The following CDH23 variants were observed in gnomAD, a reference collection of about 807,000 sequenced individuals.
CDH23 encodes cadherin-23.
Under a neutral mutation model 317.1 loss-of-function variants are expected in CDH23, and 189 were observed. That is an observed-to-expected ratio of 0.60 (90% CI 0.53 to 0.67). CDH23 has a LOEUF of 0.67. Among genes scored for constraint, CDH23 ranks in the 30% least tolerant of loss-of-function variants. CDH23 has a pLI of 0.00. For missense variants in CDH23, 4,401 were observed against 4,592.4 expected (o/e 0.96, Z 1.20); for synonymous variants, 1,839 against 1,876.8 (o/e 0.98, Z 0.52).
chr10:71,472,593 A>G (rs2132091372), intron 3 of CDH23, among the ~76,000 whole-genome samples: 1 of 152,342 alleles, frequency 6.6e-6, no homozygotes, highest in Admixed American at 6.5e-5. Flanking sequence ...TGGCAGGCAC[A>G]TGGGCCAGGC....
intron 38 of CDH23, among the ~76,000 whole-genome samples, chr10:71,752,292 G>A (rs1460293214): frequency 6.6e-6 from 1 of 152,202 alleles, no homozygotes; most frequent in Non-Finnish European, 1.5e-5. Context: ...AGTTGGGAGT[G>A]GGATAACTTC....
At chr10:71,424,113 G>A (rs1412423275) in intron 1 of CDH23, among the ~76,000 whole-genome samples, 1 of 152,260 alleles carries the variant, frequency 6.6e-6, no homozygotes, top group Non-Finnish European at 1.5e-5. Flanking sequence ...CAAGTGTGCC[G>A]CCTTTGAGTC....
chr10:71,791,880 A>G (rs1201882730), intron 47 of CDH23, among the ~76,000 whole-genome samples: 7 of 152,190 alleles, frequency 4.6e-5, no homozygotes, highest in African/African-American at 1.7e-4. Flanking sequence ...CTGGCCTACA[A>G]GATTCCTAAG....
chr10:71,532,818 C>G (rs572847995), intron 6 of CDH23, among the ~76,000 whole-genome samples: 1 of 149,918 alleles, frequency 6.7e-6, no homozygotes, highest in South Asian at 2.1e-4. Flanking sequence ...CAACCTCTAC[C>G]TCCTAGGTTC....
intron 3 of CDH23, among the ~76,000 whole-genome samples, chr10:71,477,160 T>C (rs1453026067): frequency 6.6e-6 from 1 of 152,108 alleles, no homozygotes. Flanking sequence ...GGTGAATGCC[T>C]CCCTTTGTTT....
intron 20 of CDH23, among the ~76,000 whole-genome samples, chr10:71,693,717 C>T (rs1178369315): frequency 6.6e-6 from 1 of 152,096 alleles, no homozygotes; most frequent in Non-Finnish European, 1.5e-5. Context: ...CCCTTTGGAC[C>T]CTATGAGGAA....
Position 71,707,018 on chromosome 10 carries a change from C to T in CDH23, c.3075C>T (p.Gly1025=). The change falls in exon 26 of 70, where the codon GGC becomes GGT. Residue 1025 remains glycine, a synonymous_variant. Coordinates refer to ENST00000224721, the MANE Select transcript of CDH23 (RefSeq NM_022124.6). ...VWLNCTDNDV[G]LNAELSYFIT... is the part of the protein sequence containing the mutation. The stretch of plus-strand genomic sequence containing the variant: ...TGAACTGCACGGACAACGACGTGGG[C>T]CTCAATGCAGAGCTCAGCTACTTCA... 6.2e-7 allele frequency: 1 copy of T among 1,607,176 alleles called. No individual in the cohort carries two copies. Among genetic ancestry groups the T allele is most frequent in the Non-Finnish European group, 8.5e-7 (1 of 1,176,972 alleles).
intron 21 of CDH23, among the ~76,000 whole-genome samples, chr10:71,695,125 A>G (rs559502564): frequency 6.6e-6 from 1 of 152,362 alleles, no homozygotes; most frequent in South Asian, 2.1e-4. Context: ...ACCTTCAGCC[A>G]AGACTGGAGG....
chr10:71,716,121 C>A, intron 28 of CDH23: 1 of 1,549,040 alleles, frequency 6.5e-7, no homozygotes, highest in Non-Finnish European at 8.7e-7. Context: ...GGCATGCACT[C>A]GTGAGCCCTG....
At chr10:71,466,042 G>A (rs551944379) in intron 3 of CDH23, among the ~76,000 whole-genome samples, 9 of 152,286 alleles carry the variant, frequency 5.9e-5, no homozygotes, top group African/African-American at 1.9e-4. Context: ...CGGCTTCAAC[G>A]CAGGCAGGAC....
chr10:71,716,290 G>A (rs760544099), intron 28 of CDH23: 5 of 1,522,618 alleles, frequency 3.3e-6, no homozygotes, highest in African/African-American at 1.4e-5. Context: ...GAAAGGCGAG[G>A]GGGCTGATGG....
chr10:71,695,153 C>T (rs1865333453), intron 21 of CDH23, among the ~76,000 whole-genome samples: 1 of 152,200 alleles, frequency 6.6e-6, no homozygotes, highest in Admixed American at 6.5e-5. Context: ...GGGGGAAGCC[C>T]CAGGTCACAG....
chr10:71,625,353 A>G lies in CDH23; in HGVS notation c.1134+7960A>G, dbSNP rs1322284192. ...AGGGGCATAGAAAAAAAAAACGGAA[A>G]GAATTACCCACCTCCCCATGGAGAA... On this transcript the variant is annotated intron_variant, in intron 11 of 69. Transcript: ENST00000224721. 2.7e-5 allele frequency among the ~76,000 whole-genome samples: 4 copies of G among 149,644 alleles called. No individual in the cohort carries two copies. In the East Asian group the frequency reaches 5.9e-4, roughly 22 times the overall value.
intron 6 of CDH23, among the ~76,000 whole-genome samples, chr10:71,544,465 G>A (rs1856162705): frequency 6.6e-6 from 1 of 152,198 alleles, no homozygotes; most frequent in Non-Finnish European, 1.5e-5. Flanking sequence ...CTGGGGGCTG[G>A]ACAGTGGCAG....
chr10:71,676,620 C>T (rs1864382594), intron 15 of CDH23, among the ~76,000 whole-genome samples: 1 of 152,116 alleles, frequency 6.6e-6, no homozygotes, highest in Non-Finnish European at 1.5e-5. Context: ...CAGTGAAACC[C>T]TATCTCAAAA....
At chr10:71,623,840 C>A (rs554286804) in intron 11 of CDH23, among the ~76,000 whole-genome samples, 9 of 152,238 alleles carry the variant, frequency 5.9e-5, no homozygotes, top group African/African-American at 2.2e-4. Context: ...TCAAATCAGC[C>A]CAGGATTTTG....
chr10:71,582,492 G>A (rs906901119), intron 9 of CDH23, among the ~76,000 whole-genome samples: 5 of 152,138 alleles, frequency 3.3e-5, no homozygotes, highest in African/African-American at 1.2e-4. Context: ...GGCTACTAGA[G>A]AATTTAAAAT....
chr10:71,728,195 C>T (rs182060902), intron 30 of CDH23, among the ~76,000 whole-genome samples: 4 of 152,150 alleles, frequency 2.6e-5, no homozygotes, highest in African/African-American at 9.7e-5. Flanking sequence ...AAACTCCCCC[C>T]CGCACCCACC....
intron 22 of CDH23, among the ~76,000 whole-genome samples, chr10:71,696,210 T>G (rs1462582631): frequency 6.6e-6 from 1 of 152,130 alleles, no homozygotes; most frequent in Non-Finnish European, 1.5e-5. Flanking sequence ...GGTCCACATT[T>G]TTCAGCCTTC....
Sources: allele counts gnomAD v4.1 joint callset (sites outside exome capture counted in the v4.1 genomes callset), GRCh38; gene constraint gnomAD v4.1.1; transcripts MANE v1.5; gene names NCBI Gene and HGNC (gene_info 2026-07-23, HGNC 2026-07-21).